The following GALNTL6 variants were observed in gnomAD, a reference collection of about 807,000 sequenced individuals.
The protein encoded by GALNTL6 is polypeptide N-acetylgalactosaminyltransferase like 6.
Under a neutral mutation model 73.7 loss-of-function variants are expected in GALNTL6, and 46 were observed. The observed-to-expected ratio is 0.62, with a 90% confidence interval of 0.49 to 0.80. GALNTL6 has a LOEUF of 0.80. GALNTL6 is among the 30% of genes least tolerant of loss of function. The pLI, the probability that GALNTL6 is intolerant of heterozygous loss-of-function variation, is 0.00. For synonymous variants in GALNTL6, 259 were observed against 263.7 expected (o/e 0.98, Z 0.17); for missense variants, 604 against 755.0 (o/e 0.80, Z 2.34).
chr4:172,085,078 A>C (rs986158301), intron 2 of GALNTL6, among the ~76,000 whole-genome samples: 1 of 152,214 alleles, frequency 6.6e-6, no homozygotes, highest in Non-Finnish European at 1.5e-5. Context: ...TAAGCAAAAA[A>C]TAATACATAT....
At chr4:171,958,543 C>T (rs1030503760) in intron 2 of GALNTL6, among the ~76,000 whole-genome samples, 1 of 152,026 alleles carries the variant, frequency 6.6e-6, no homozygotes, top group African/African-American at 2.4e-5. Context: ...CATATTAGGT[C>T]TTTACTGTTA....
At position 172,679,614 on chromosome 4, in the gene GALNTL6, G is replaced by T. The variant is rs187650978; in HGVS notation, c.554-129747G>T. 1.1e-4 allele frequency among the ~76,000 whole-genome samples: 16 copies of T among 152,234 alleles called. No homozygotes were observed. In the East Asian group the frequency reaches 3.1e-3, roughly 29 times the overall value. On this transcript the variant is annotated intron_variant, in intron 5 of 12. Coordinates refer to ENST00000506823, the MANE Select transcript of GALNTL6 (RefSeq NM_001034845.3). ...GATATTGTTCTCTGTCTTAGATGCT[G>T]ACTTGTTTGCTGCTGTTAATCACTC... is the stretch of plus-strand genomic sequence containing the variant.
At chr4:172,368,679 T>C (rs1173109941) in intron 5 of GALNTL6, among the ~76,000 whole-genome samples, 1 of 152,004 alleles carries the variant, frequency 6.6e-6, no homozygotes, top group Non-Finnish European at 1.5e-5. Context: ...TTACAGTTCT[T>C]AAAGATGTTG....
At chr4:172,798,762 A>T (rs1371965701) in intron 5 of GALNTL6, among the ~76,000 whole-genome samples, 1 of 152,212 alleles carries the variant, frequency 6.6e-6, no homozygotes, top group African/African-American at 2.4e-5. Context: ...GATGTTTGGC[A>T]AAAAACAATA....
At chr4:172,293,423 G>T (rs1178500158) in intron 3 of GALNTL6, among the ~76,000 whole-genome samples, 1 of 140,932 alleles carries the variant, frequency 7.1e-6, no homozygotes, top group African/African-American at 2.6e-5. Context: ...GATTATATAT[G>T]CATTAATGAC....
intron 8 of GALNTL6, among the ~76,000 whole-genome samples, chr4:172,922,733 TTTA>T (rs1236029166): frequency 6.6e-6 from 1 of 152,214 alleles, no homozygotes; most frequent in Non-Finnish European, 1.5e-5. Flanking sequence ...TCCACAAATA[TTTA>T]TTGAGTGTCT....
intron 5 of GALNTL6, among the ~76,000 whole-genome samples, chr4:172,372,614 G>C (rs1251951772): frequency 6.6e-6 from 1 of 152,154 alleles, no homozygotes; most frequent in Non-Finnish European, 1.5e-5. Context: ...AGCTATCCCT[G>C]CTGTCTCTGT....
chr4:172,886,011 G>C (rs997853757), intron 8 of GALNTL6, among the ~76,000 whole-genome samples: 1 of 152,080 alleles, frequency 6.6e-6, no homozygotes, highest in Non-Finnish European at 1.5e-5. Flanking sequence ...AGATTTTTTT[G>C]TGTGTGTACC....
intron 5 of GALNTL6, among the ~76,000 whole-genome samples, chr4:172,492,797 A>C (rs921936490): frequency 1.3e-5 from 2 of 152,200 alleles, no homozygotes; most frequent in Non-Finnish European, 2.9e-5. Context: ...CTAAATGTTT[A>C]ATATAACATG....
At chr4:171,909,876 T>C (rs1737421950) in intron 2 of GALNTL6, among the ~76,000 whole-genome samples, 1 of 152,164 alleles carries the variant, frequency 6.6e-6, no homozygotes, top group South Asian at 2.1e-4. Context: ...TGCTGTAGAT[T>C]AAAATAATAG....
At chr4:172,089,020 T>C (rs1732124120) in intron 2 of GALNTL6, among the ~76,000 whole-genome samples, 1 of 152,126 alleles carries the variant, frequency 6.6e-6, no homozygotes. Context: ...GAAAAGAACA[T>C]AGATTACACT....
chr4:172,031,993 G>T (rs1007567498), intron 2 of GALNTL6, among the ~76,000 whole-genome samples: 6 of 152,058 alleles, frequency 3.9e-5, no homozygotes, highest in Non-Finnish European at 8.8e-5. Flanking sequence ...TACCAAAAGA[G>T]CATTTAAGTC....
chr4:172,748,176 A>C (rs1156628421), intron 5 of GALNTL6, among the ~76,000 whole-genome samples: 1 of 152,232 alleles, frequency 6.6e-6, no homozygotes, highest in Non-Finnish European at 1.5e-5. Flanking sequence ...AAAACAAGTA[A>C]GATAATTATT....
intron 2 of GALNTL6, among the ~76,000 whole-genome samples, chr4:172,097,533 T>G (rs1011683551): frequency 6.6e-6 from 1 of 152,100 alleles, no homozygotes; most frequent in African/African-American, 2.4e-5. Context: ...CCTCTCTCCC[T>G]TCCTCCCTCC....
At chr4:172,158,238 G>A (rs991344098) in intron 2 of GALNTL6, among the ~76,000 whole-genome samples, 3 of 151,924 alleles carry the variant, frequency 2.0e-5, no homozygotes, top group African/African-American at 4.8e-5. Context: ...ATATCTTTAC[G>A]TGGCAGCACT....
chr4:173,023,176 T>A (rs1187727558), intron 12 of GALNTL6, among the ~76,000 whole-genome samples: 1 of 152,150 alleles, frequency 6.6e-6, no homozygotes, highest in African/African-American at 2.4e-5. Context: ...GGAGAGTCAG[T>A]GTGGGGAGAG....
At chr4:171,814,131 C>T (rs568903578) in intron 1 of GALNTL6, 141 bp downstream of exon 1, 72 of 186,714 alleles carry the variant, frequency 3.9e-4, no homozygotes, top group Admixed American at 9.7e-4. Context: ...TGTCTCCTAA[C>T]CCGCTCCACC....
intron 5 of GALNTL6, among the ~76,000 whole-genome samples, chr4:172,765,878 A>T (rs1257630236): frequency 6.6e-6 from 1 of 152,168 alleles, no homozygotes; most frequent in East Asian, 1.9e-4. Context: ...AAAGAAAAAA[A>T]AAAGCATATA....
intron 5 of GALNTL6, among the ~76,000 whole-genome samples, chr4:172,560,947 G>C (rs1736329375): frequency 6.6e-6 from 1 of 152,034 alleles, no homozygotes. Flanking sequence ...GAAAATTTAA[G>C]CACATAAGTT....
Sources: allele counts gnomAD v4.1 joint callset (sites outside exome capture counted in the v4.1 genomes callset), GRCh38; gene constraint gnomAD v4.1.1; transcripts MANE v1.5; gene names NCBI Gene and HGNC (gene_info 2026-07-23, HGNC 2026-07-21).